Variants in ZNF280C observed in about 807,000 individuals in gnomAD.
ZNF280C encodes suppressor of hairy wing homolog 3.
A neutral mutation model predicts 53.6 loss-of-function variants in ZNF280C; 14 were observed. The ratio of observed to expected loss-of-function variants is 0.26; its 90% CI spans 0.17 to 0.41. The LOEUF (loss-of-function observed/expected upper bound fraction) is 0.41, where lower values mean the gene tolerates loss of function less well. ZNF280C is among the 10% of genes least tolerant of loss of function. The pLI is 1.00. For missense variants in ZNF280C, 416 were observed against 547.1 expected (o/e 0.76, Z 2.39); for synonymous variants, 203 against 181.1 (o/e 1.12, Z -0.97).
chrX:130,248,764 G>A (rs1159367061), intron 2 of ZNF280C, among the ~76,000 whole-genome samples: 1 of 112,356 alleles, frequency 8.9e-6, no homozygotes. Flanking sequence ...CTCCAGCAGG[G>A]TTGCCCCTGT....
At position 130,215,744 on chromosome X, in the gene ZNF280C, T is replaced by G. The variant is rs753896698; in HGVS notation, c.1838+47A>C. On this transcript the variant is annotated intron_variant, in intron 14 of 18. Transcript: ENST00000370978. ...GGGTTTTATGATATGATAAATTATA[T>G]ACATAAGATTAAATTTGTATTGTAT... is the stretch of plus-strand genomic sequence containing the variant. 2.8e-6 allele frequency: 3 copies of G among 1,055,610 alleles called. No individual in the cohort carries two copies. In the African/African-American group the frequency reaches 5.7e-5, roughly 20 times the overall value. The allele number at this position is 1,055,610 out of a possible 1,213,427, so 87.0% of individuals were successfully genotyped here. A position where few individuals can be genotyped will look rare whatever the true frequency, so the allele number is the denominator to read the frequency against.
In ZNF280C at chrX:130,236,262, C is replaced by T; in HGVS notation, c.723G>A (p.Lys241=). The part of the protein sequence containing the change: ...AGADYLRACP[K]CNVQFNLLDP... ...CCAAAAGATTGAACTGAACATTGCA[C>T]TTTGGACAAGCTCTTAGGTAATCTG... The change falls in exon 8 of 19, where the codon AAG becomes AAA. Residue 241 remains lysine (K), a synonymous_variant. Coordinates refer to ENST00000370978, the MANE Select transcript of ZNF280C (RefSeq NM_017666.5). 1 of 1,208,386 alleles carries T rather than the reference C, an allele frequency of 8.3e-7. No individual in the cohort carries two copies. The highest frequency in any genetic ancestry group is 1.1e-6 in the Non-Finnish European group (1 of 893,857).
intron 12 of ZNF280C, among the ~76,000 whole-genome samples, chrX:130,222,669 T>A (rs967180252): frequency 4.5e-5 from 5 of 111,503 alleles, no homozygotes; most frequent in Non-Finnish European, 9.4e-5. Flanking sequence ...GATGATACTT[T>A]TTTTTGTTTT....
At chrX:130,257,860 G>A (rs1483586174) in intron 2 of ZNF280C, among the ~76,000 whole-genome samples, 1 of 112,818 alleles carries the variant, frequency 8.9e-6, no homozygotes, top group East Asian at 2.8e-4. Context: ...AGTGGCTCAC[G>A]CCTTTAATCC....
chrX:130,227,820 T>A, intron 10 of ZNF280C, 38 bp from the exon 11 acceptor site: 1 of 762,319 alleles, frequency 1.3e-6, no homozygotes, highest in Non-Finnish European at 2.0e-6. Flanking sequence ...CATTTAAGGA[T>A]GTATATAAAA....
chrX:130,233,842 A>G (rs2032304521), intron 8 of ZNF280C, among the ~76,000 whole-genome samples: 1 of 110,387 alleles, frequency 9.1e-6, no homozygotes, highest in African/African-American at 3.3e-5. Flanking sequence ...TCATACCTCA[A>G]TAAAGTGTTA....
intron 1 of ZNF280C, among the ~76,000 whole-genome samples, chrX:130,264,043 A>AAAGAAAG (rs1556317826): frequency 8.7e-5 from 9 of 103,003 alleles, no homozygotes; most frequent in African/African-American, 3.3e-4. Context: ...AAAAAAAAAG[A>AAAGAAAG]AAAGAAAGAA....
At chrX:130,247,574 C>T (rs1254852211) in intron 2 of ZNF280C, among the ~76,000 whole-genome samples, 2 of 111,287 alleles carry the variant, frequency 1.8e-5, no homozygotes, top group African/African-American at 6.5e-5. Context: ...ACCAGTTAAA[C>T]TTGGCTAGAC....
intron 2 of ZNF280C, among the ~76,000 whole-genome samples, chrX:130,249,415 G>A (rs2124712149): frequency 8.9e-6 from 1 of 112,206 alleles, no homozygotes; most frequent in South Asian, 3.7e-4. Context: ...ATCACCCATT[G>A]GCGTGCTGGG....
At chrX:130,213,753 A>G (rs2032069678) in intron 15 of ZNF280C, among the ~76,000 whole-genome samples, 1 of 111,576 alleles carries the variant, frequency 9.0e-6, no homozygotes, top group Non-Finnish European at 1.9e-5. Flanking sequence ...GATACAACAA[A>G]GCAGAAAGGG....
chrX:130,253,673 T>G (rs186081256), intron 2 of ZNF280C, among the ~76,000 whole-genome samples: 19 of 112,120 alleles, frequency 1.7e-4, no homozygotes, highest in African/African-American at 6.1e-4. Flanking sequence ...GGACTCCCTA[T>G]TCAATAAATG....
Position 130,236,581 on chromosome X carries a change from A to T in ZNF280C, c.552T>A (p.Val184=). 8.3e-7 allele frequency: 1 copy of T among 1,202,121 alleles called. No homozygotes were observed. The highest frequency in any genetic ancestry group is 1.1e-6 in the Non-Finnish European group (1 of 888,742). ...CACTGGTCTTTGGTTTTTTTGGAGT[A>T]ACACTGTTTACTTTAGAAGTAGAAG... ...KHPSTSKVNS[V]TPKKPKTSED... is the part of the protein sequence containing the mutation. The change falls in exon 7 of 19, where the codon GTT becomes GTA. Residue 184 remains valine (V), a synonymous_variant. Transcript: ENST00000370978.
At chrX:130,232,302 T>C (rs2032285747) in intron 8 of ZNF280C, among the ~76,000 whole-genome samples, 1 of 62,167 alleles carries the variant, frequency 1.6e-5, no homozygotes, top group Non-Finnish European at 2.5e-5. Context: ...TATAAACTGA[T>C]CCTAATTGGA....
intron 13 of ZNF280C, 69 bp downstream of exon 13, chrX:130,220,280 T>TAA: frequency 5.2e-5 from 47 of 905,075 alleles, no homozygotes; most frequent in Admixed American, 7.7e-5. Flanking sequence ...CTATCCATAA[T>TAA]AAAAAAAAAA....
chrX:130,258,022 G>A (rs991977762), intron 2 of ZNF280C, among the ~76,000 whole-genome samples: 3 of 111,735 alleles, frequency 2.7e-5, no homozygotes, highest in African/African-American at 9.8e-5. Flanking sequence ...GGATGCTGAG[G>A]CAGGAGAATC....
At chrX:130,222,466 C>T (rs886265394) in intron 12 of ZNF280C, among the ~76,000 whole-genome samples, 1 of 111,605 alleles carries the variant, frequency 9.0e-6, no homozygotes, top group African/African-American at 3.3e-5. Context: ...TAAAGTGAGG[C>T]AAGAGACTGA....
chrX:130,263,835 A>G (rs994412165), intron 1 of ZNF280C, among the ~76,000 whole-genome samples: 6 of 107,874 alleles, frequency 5.6e-5, no homozygotes, highest in Admixed American at 3.0e-4. Flanking sequence ...GACCAGCCTG[A>G]CCAACATGGT....
chrX:130,215,536 G>A (rs1243560823), intron 14 of ZNF280C, among the ~76,000 whole-genome samples: 1 of 110,938 alleles, frequency 9.0e-6, no homozygotes, highest in Non-Finnish European at 1.9e-5. Flanking sequence ...GGAATAAAAG[G>A]GATCAAATAA....
intron 2 of ZNF280C, among the ~76,000 whole-genome samples, chrX:130,257,031 T>C (rs2032580692): frequency 2.8e-5 from 3 of 107,457 alleles, no homozygotes; most frequent in Non-Finnish European, 5.8e-5. Flanking sequence ...AAACCCCGTC[T>C]CTACTAAAAA....
Sources: gnomAD v4.1 joint callset for allele counts (sites outside exome capture counted in the v4.1 genomes callset) on GRCh38, gnomAD v4.1.1 for gene constraint, MANE v1.5 for transcripts, NCBI Gene and HGNC (gene_info 2026-07-23, HGNC 2026-07-21) for gene names.